The following DZIP1 variants were observed in gnomAD, a reference collection of about 807,000 sequenced individuals.
DZIP1 encodes the protein DAZ interacting zinc finger protein 1.
A neutral mutation model predicts 107.6 loss-of-function variants in DZIP1; 97 were observed. The observed-to-expected ratio is 0.90, with a 90% CI of 0.77 to 1.07. The LOEUF (loss-of-function observed/expected upper bound fraction) is 1.07. DZIP1 is among the 50% of genes least tolerant of loss of function. The pLI, the probability that DZIP1 is intolerant of heterozygous loss-of-function variation, is 0.00. For synonymous variants in DZIP1, 390 were observed against 386.4 expected (o/e 1.01, Z -0.11); for missense variants, 1,035 against 1,063.6 (o/e 0.97, Z 0.37).
intron 22 of DZIP1, 65 bp from the exon 23 acceptor site, chr13:95,582,378 T>C: frequency 1.5e-6 from 2 of 1,333,768 alleles, no homozygotes; most frequent in Non-Finnish European, 2.2e-6. Flanking sequence ...TTGTCAAGTC[T>C]ATAAAAATCC....
chr13:95,643,796 A>G (rs1878796014), intron 1 of DZIP1, 98 bp from the exon 2 acceptor site: 1 of 152,452 alleles, frequency 6.6e-6, no homozygotes, highest in Non-Finnish European at 1.5e-5. Context: ...TTAAGGAAAC[A>G]TCAGCTCCTG....
intron 14 of DZIP1, among the ~76,000 whole-genome samples, chr13:95,604,548 G>A (rs998000316): frequency 6.6e-6 from 1 of 152,210 alleles, no homozygotes; most frequent in African/African-American, 2.4e-5. Context: ...GATTCATGCA[G>A]CTCTGGGCTA....
chr13:95,644,391 C>T lies in DZIP1; in HGVS notation c.-540G>A, dbSNP rs1397527625. On this transcript the variant is annotated 5_prime_UTR_variant, in exon 1 of 23. Transcript: ENST00000376829. ...TCTCGGCTCACCCCAGCTGCGCGCT[C>T]CTGGGCGGGTGCCGGGCGCTGCAGG... 6.6e-6 allele frequency: 1 copy of T among 152,580 alleles called. No homozygotes were observed. The highest frequency in any genetic ancestry group is 2.4e-5 in the African/African-American group (1 of 41,446). The allele number at this position is 152,580 out of a possible 1,614,324, so 9.5% of individuals were successfully genotyped here. A position where few individuals can be genotyped will look rare whatever the true frequency, so the allele number is the denominator to read the frequency against.
rs1281781961 is a variant in DZIP1 at position 95,578,612 on chromosome 13, T to TCATGGCCATATCCACATGCC, written c.*3602_*3621dup. On this transcript the variant is annotated 3_prime_UTR_variant, in exon 23 of 23. Coordinates refer to ENST00000376829, the MANE Select transcript of DZIP1 (RefSeq NM_198968.4). ...CAGGATCAGAGAGGATCTTGCTCAT[T>TCATGGCCATATCCACATGCC]CATGGCCATATCCACATGCCCATGG... 6.6e-6 allele frequency: 1 copy of TCATGGCCATATCCACATGCC among 152,244 alleles called. No individual in the cohort carries two copies. Among genetic ancestry groups the TCATGGCCATATCCACATGCC allele is most frequent in the African/African-American group, 2.4e-5 (1 of 41,442 alleles). The allele number at this position is 152,244 out of a possible 1,614,324, so 9.4% of individuals were successfully genotyped here. A position where few individuals can be genotyped will look rare whatever the true frequency, so the allele number is the denominator to read the frequency against.
intron 12 of DZIP1, 35 bp downstream of exon 12, chr13:95,611,410 C>T: frequency 6.3e-7 from 1 of 1,591,692 alleles, no homozygotes; most frequent in Non-Finnish European, 8.6e-7. Flanking sequence ...GGGGAGGTTC[C>T]CCTTGCCGCC....
rs57203833 is a variant in DZIP1, at chr13:95,638,085, C to CT, written c.597+3209dup. Among the ~76,000 whole-genome samples, 599 of 88,596 alleles carry CT rather than the reference C, an allele frequency of 6.8e-3. 12 individuals carry two copies. Among genetic ancestry groups the CT allele is most frequent in the African/African-American group, 0.018 (488 of 27,166 alleles). The allele number at this position is 88,596 out of a possible 152,430, so 58.1% of individuals were successfully genotyped here. On this transcript the variant is annotated intron_variant, in intron 5 of 22. Transcript: ENST00000376829. Reference sequence around the variant, plus strand: ...AGCAAAATGCTAACCTGAGTTCAATCTTTTTTTTTTTTTTTTTTTTTGAGA... The same window carrying CT: ...AGCAAAATGCTAACCTGAGTTCAATCTTTTTTTTTTTTTTTTTTTTTTGAGA...
Position 95,642,069 on chromosome 13 carries a change from C to G in DZIP1, c.-40G>C, listed in dbSNP as rs1878602383. On this transcript the variant is annotated 5_prime_UTR_variant, in exon 4 of 23. Coordinates refer to ENST00000376829, the MANE Select transcript of DZIP1 (RefSeq NM_198968.4). Reference sequence around the variant, plus strand: ...GGTCTTTACCCAGCCTGGGCCGCCTCCCGGGCCGCCGCCGCCACAGCCCTC... The same window carrying G: ...GGTCTTTACCCAGCCTGGGCCGCCTGCCGGGCCGCCGCCGCCACAGCCCTC... 2.7e-6 allele frequency: 4 copies of G among 1,495,670 alleles called. No individual in the cohort carries two copies. The highest frequency in any genetic ancestry group is 3.5e-6 in the Non-Finnish European group (4 of 1,132,798). 92.6% of individuals were successfully genotyped at this position (1,495,670 alleles called of 1,614,324 possible).
chr13:95,632,525 C>T (rs1877309319), intron 6 of DZIP1, among the ~76,000 whole-genome samples: 1 of 152,090 alleles, frequency 6.6e-6, no homozygotes. Flanking sequence ...CAGCCTCCTC[C>T]CCTCACTCAT....
At chr13:95,627,914 A>C (rs1364733540) in intron 7 of DZIP1, among the ~76,000 whole-genome samples, 3 of 152,252 alleles carry the variant, frequency 2.0e-5, no homozygotes, top group Non-Finnish European at 2.9e-5. Context: ...CTGGATAAAC[A>C]AATTGTCTAT....
intron 10 of DZIP1, among the ~76,000 whole-genome samples, chr13:95,615,931 G>A (rs943776597): frequency 1.2e-4 from 18 of 152,134 alleles, no homozygotes; most frequent in Non-Finnish European, 2.6e-4. Flanking sequence ...ATGTTCCCAT[G>A]AAACCAAAGT....
intron 16 of DZIP1, among the ~76,000 whole-genome samples, chr13:95,593,027 T>G (rs2044353724): frequency 6.6e-6 from 1 of 152,208 alleles, no homozygotes; most frequent in South Asian, 2.1e-4. Flanking sequence ...TCTCATCATT[T>G]GGGTGCTGGT....
In DZIP1 at chr13:95,641,423, C is replaced by T. The variant is rs747052868; in HGVS notation, c.469G>A (p.Glu157Lys). The change falls in exon 5 of 23, where the codon GAG becomes AAG. Residue 157 changes from glutamate to lysine, a missense_variant. Physicochemically the swap from Glu to Lys is moderately conservative, Grantham distance 56. Coordinates refer to ENST00000376829, the MANE Select transcript of DZIP1 (RefSeq NM_198968.4). The surrounding 1 kb of genome is among the most constrained non-coding windows in gnomAD (Gnocchi z 4.3). Reference protein sequence around the residue: ...ERLRLSHCDGEQSKKLLTKQA... With the variant: ...ERLRLSHCDGKQSKKLLTKQA... ...TTGGTGAGCAGCTTCTTGCTCTGCTCGCCGTCGCAGTGGCTCAGGCGCAGC... is the reference window on the plus strand; with the variant it reads ...TTGGTGAGCAGCTTCTTGCTCTGCTTGCCGTCGCAGTGGCTCAGGCGCAGC... The T allele has an allele frequency of 4.3e-6, 7 of 1,613,970 alleles. No individual in the cohort carries two copies. The African/African-American group carries it at 9.3e-5, about 22-fold the overall frequency.
In DZIP1 at chr13:95,578,379, TA is replaced by T. The variant is rs2043967939; in HGVS notation, c.*3854del. The T allele has an allele frequency of 6.3e-6, 1 of 159,052 alleles. No homozygotes were observed. The highest frequency in any genetic ancestry group is 1.9e-4 in the South Asian group (1 of 5,400). The allele number at this position is 159,052 out of a possible 1,614,324, so 9.9% of individuals were successfully genotyped here. A position where few individuals can be genotyped will look rare whatever the true frequency, so the allele number is the denominator to read the frequency against. On this transcript the variant is annotated 3_prime_UTR_variant, in exon 23 of 23. Transcript: ENST00000376829. ...CACTCCTTATGTTTCTTTTCATTCATAAACAGGTGTATAAGGAACAATGTCT... is the reference window on the plus strand; with the variant it reads ...CACTCCTTATGTTTCTTTTCATTCATAACAGGTGTATAAGGAACAATGTCT...
intron 21 of DZIP1, 146 bp from the exon 22 acceptor site, chr13:95,585,056 T>G (rs1167404146): frequency 1.7e-6 from 1 of 579,584 alleles, no homozygotes; most frequent in African/African-American, 1.9e-5. Context: ...TAGTCATTTC[T>G]GCAGGGCAAT....
chr13:95,621,661 T>G (rs180768511), intron 9 of DZIP1, among the ~76,000 whole-genome samples: 1 of 142,658 alleles, frequency 7.0e-6, no homozygotes, highest in South Asian at 2.3e-4. Context: ...GCTGACCAGT[T>G]AGCAGTGTGT....
At chr13:95,628,759 C>T (rs1347751616) in intron 7 of DZIP1, among the ~76,000 whole-genome samples, 1 of 152,140 alleles carries the variant, frequency 6.6e-6, no homozygotes, top group Non-Finnish European at 1.5e-5. Context: ...GGACATTATG[C>T]TGAGTAAAAT....
rs1294363175 is a variant in DZIP1, at chr13:95,633,221, A to T, written c.685+13T>A. 1 of 1,610,672 alleles carries T rather than the reference A, an allele frequency of 6.2e-7. No individual in the cohort carries two copies. Among genetic ancestry groups the T allele is most frequent in the Admixed American group, 1.7e-5 (1 of 60,012 alleles). On this transcript the variant is annotated intron_variant, in intron 6 of 22. Coordinates refer to ENST00000376829, the MANE Select transcript of DZIP1 (RefSeq NM_198968.4). ...AGGAAGAAAAGAGCTTTCAAACAGA[A>T]CTCATTACTCACCAAAATGAGAATT...
At chr13:95,620,180 T>C in intron 9 of DZIP1, among the ~76,000 whole-genome samples, 1 of 152,184 alleles carries the variant, frequency 6.6e-6, no homozygotes, top group South Asian at 2.1e-4. Context: ...GTTCTCATGA[T>C]AGTGAGTTCT....
rs772628684 is a variant in DZIP1, at chr13:95,622,339, G to A, written c.1110+4C>T. Reference sequence around the variant, plus strand: ...CACTGCAGCTGTCACCCACTTGCACGTACCTGACTATCAAGAAGCTGCATG... The same window carrying A: ...CACTGCAGCTGTCACCCACTTGCACATACCTGACTATCAAGAAGCTGCATG... On this transcript the variant is annotated splice_donor_region_variant and intron_variant, in intron 9 of 22. Coordinates refer to ENST00000376829, the MANE Select transcript of DZIP1 (RefSeq NM_198968.4). The A allele has an allele frequency of 1.2e-4, 200 of 1,614,006 alleles. No individual in the cohort carries two copies. In the Middle Eastern group the frequency reaches 1.8e-3, roughly 15 times the overall value.
Sources: allele counts gnomAD v4.1 joint callset (sites outside exome capture counted in the v4.1 genomes callset), GRCh38; gene constraint gnomAD v4.1.1; non-coding constraint Gnocchi (gnomAD v3.1); transcripts MANE v1.5; gene names NCBI Gene and HGNC (gene_info 2026-07-23, HGNC 2026-07-21).